AFF3: variants seen among roughly 807,000 people sequenced by gnomAD.
AFF3 encodes the protein AF4/FMR2 family member 3.
In AFF3, 32 loss-of-function variants were observed where a neutral mutation model predicts 129.7. The ratio of observed to expected loss-of-function variants is 0.25; its 90% confidence interval spans 0.19 to 0.33. The LOEUF (loss-of-function observed/expected upper bound fraction) is 0.33. AFF3 is among the 10% of genes least tolerant of loss of function. The probability of loss-of-function intolerance (pLI) is 1.00; values close to 1 mark genes in which losing one functional copy is unlikely to be tolerated. For missense variants in AFF3, 1,373 were observed against 1,592.0 expected, an observed-to-expected ratio of 0.86 and a Z score of 2.34; for synonymous variants, 644 against 635.4, an observed-to-expected ratio of 1.01 and a Z score of -0.20.
intron 7 of AFF3, among the ~76,000 whole-genome samples, chr2:99,953,084 C>T (rs1248223864): frequency 2.0e-5 from 3 of 152,186 alleles, no homozygotes; most frequent in Admixed American, 6.5e-5. Context: ...TCAGCAAACA[C>T]GAAGCCCCAC....
intron 13 of AFF3, among the ~76,000 whole-genome samples, chr2:99,640,439 C>T (rs1684086996): frequency 6.6e-6 from 1 of 152,012 alleles, no homozygotes; most frequent in Non-Finnish European, 1.5e-5. Flanking sequence ...GTACATAAAC[C>T]TAACAAGGAG....
chr2:100,006,347 G>A (rs566895096), intron 7 of AFF3: 301 of 300,524 alleles, frequency 1.0e-3, no homozygotes, highest in Non-Finnish European at 1.6e-3. Context: ...TAGCTATTCA[G>A]AAGAAAATTC....
intron 11 of AFF3, among the ~76,000 whole-genome samples, chr2:99,710,612 T>C (rs1677804589): frequency 6.6e-6 from 1 of 152,200 alleles, no homozygotes; most frequent in South Asian, 2.1e-4. Flanking sequence ...AACTAAATCC[T>C]TGAAATCCCA....
At chr2:99,793,063 T>G (rs1180801916) in intron 8 of AFF3, among the ~76,000 whole-genome samples, 2 of 152,192 alleles carry the variant, frequency 1.3e-5, no homozygotes, top group African/African-American at 4.8e-5. Flanking sequence ...ACCCCTGGTG[T>G]TGGAGGTGGG....
intron 13 of AFF3, among the ~76,000 whole-genome samples, chr2:99,610,858 G>A (rs1193016321): frequency 6.6e-6 from 1 of 152,114 alleles, no homozygotes; most frequent in African/African-American, 2.4e-5. Context: ...GCCATTATGA[G>A]TATGAATACT....
chr2:99,781,761 A>G (rs1684426499), intron 8 of AFF3, among the ~76,000 whole-genome samples: 1 of 152,224 alleles, frequency 6.6e-6, no homozygotes, highest in South Asian at 2.1e-4. Flanking sequence ...GAATGAATGA[A>G]TGAAATAAAA....
rs1186499314 is a variant in AFF3 at position 100,127,576 on chromosome 2, T to G, written c.-145+1648A>C. On this transcript the variant is annotated intron_variant, in intron 2 of 24. Coordinates refer to ENST00000672756, the MANE Select transcript of AFF3 (RefSeq NM_001386135.1). The stretch of plus-strand genomic sequence containing the variant: ...AGCTTCAACTGCTCTTCCATGCCAC[T>G]GCTGCACAAATGCTCTGAATGTTTG... Among the ~76,000 whole-genome samples, 3 of 152,174 alleles carry G rather than the reference T, an allele frequency of 2.0e-5. 1 individual carries two copies. The South Asian group carries it at 6.2e-4, about 31-fold the overall frequency.
chr2:99,624,546 C>G (rs971180958), intron 13 of AFF3, among the ~76,000 whole-genome samples: 1 of 152,124 alleles, frequency 6.6e-6, no homozygotes, highest in Non-Finnish European at 1.5e-5. Context: ...GTCACCCACA[C>G]GCAGCCCCAT....
chr2:100,074,410 C>T (rs1688434845), intron 4 of AFF3, among the ~76,000 whole-genome samples: 1 of 152,198 alleles, frequency 6.6e-6, no homozygotes, highest in Admixed American at 6.5e-5. Flanking sequence ...CTCTCGCCTA[C>T]CAAGAGCAGT....
chr2:99,733,648 A>C (rs1429439315), intron 10 of AFF3, among the ~76,000 whole-genome samples: 2 of 152,108 alleles, frequency 1.3e-5, no homozygotes, highest in Non-Finnish European at 2.9e-5. Context: ...GGTAGGAGTT[A>C]AGTTTCGTTT....
intron 4 of AFF3, among the ~76,000 whole-genome samples, chr2:100,064,428 T>C (rs1687557989): frequency 6.6e-6 from 1 of 152,176 alleles, no homozygotes. Context: ...GCAAGGAAAG[T>C]CTTACTTTCG....
At chr2:99,821,681 G>T (rs902336169) in intron 8 of AFF3, among the ~76,000 whole-genome samples, 1 of 152,196 alleles carries the variant, frequency 6.6e-6, no homozygotes, top group Admixed American at 6.5e-5. Flanking sequence ...GGACATACCT[G>T]TATGTGCTGG....
chr2:99,635,188 T>G, intron 13 of AFF3, among the ~76,000 whole-genome samples: 1 of 151,808 alleles, frequency 6.6e-6, no homozygotes, highest in Non-Finnish European at 1.5e-5. Context: ...ATATATGATA[T>G]ATACACATCT....
At chr2:100,000,961 C>T (rs1391815500) in intron 7 of AFF3, among the ~76,000 whole-genome samples, 3 of 152,214 alleles carry the variant, frequency 2.0e-5, no homozygotes, top group African/African-American at 7.2e-5. Flanking sequence ...GTGACACCTC[C>T]TTTCTGGGTG....
intron 7 of AFF3, among the ~76,000 whole-genome samples, chr2:99,859,120 C>A (rs1038281910): frequency 1.3e-5 from 2 of 152,186 alleles, no homozygotes; most frequent in Admixed American, 6.5e-5. Context: ...GATGGCTTTC[C>A]TCTAATAGAA....
intron 7 of AFF3, among the ~76,000 whole-genome samples, chr2:99,989,678 T>C (rs1013896243): frequency 2.0e-5 from 3 of 152,168 alleles, no homozygotes; most frequent in Non-Finnish European, 4.4e-5. Context: ...GCGTGAATCA[T>C]GGGCTCAGGT....
chr2:99,655,587 C>G (rs1685676402), intron 12 of AFF3, among the ~76,000 whole-genome samples: 1 of 152,040 alleles, frequency 6.6e-6, no homozygotes, highest in South Asian at 2.1e-4. Context: ...AAGATGAGGC[C>G]AATCCCAAGG....
intron 7 of AFF3, among the ~76,000 whole-genome samples, chr2:99,994,726 G>A (rs1422588094): frequency 2.0e-5 from 3 of 152,182 alleles, no homozygotes; most frequent in South Asian, 2.1e-4. Context: ...AATGGCAAGA[G>A]GTCTGATAAG....
chr2:99,616,488 C>G (rs1405606567), intron 13 of AFF3, among the ~76,000 whole-genome samples: 1 of 152,008 alleles, frequency 6.6e-6, no homozygotes, highest in East Asian at 1.9e-4. Flanking sequence ...CTCATTTATC[C>G]TCCTTAAAAG....
Sources: gnomAD v4.1 joint callset for allele counts (sites outside exome capture counted in the v4.1 genomes callset) on GRCh38, gnomAD v4.1.1 for gene constraint, MANE v1.5 for transcripts, NCBI Gene and HGNC (gene_info 2026-07-23, HGNC 2026-07-21) for gene names.